The following ZNF804A variants were observed in gnomAD, a reference collection of about 807,000 sequenced individuals.
ZNF804A encodes the protein zinc finger protein 804A.
ZNF804A carries 2 observed loss-of-function variants against 16.5 expected under a neutral mutation model. That is an observed-to-expected ratio of 0.12 (90% confidence interval 0.05 to 0.38). ZNF804A has a LOEUF of 0.38. ZNF804A is among the 10% of genes least tolerant of loss of function. The probability of loss-of-function intolerance (pLI) is 0.99; values close to 1 mark genes in which losing one functional copy is unlikely to be tolerated. For synonymous variants in ZNF804A, 534 were observed against 489.6 expected, an observed-to-expected ratio of 1.09 and a Z score of -1.20; for missense variants, 1,473 against 1,390.7, an observed-to-expected ratio of 1.06 and a Z score of -0.94.
At chr2:184,752,698 C>A (rs147128437) in intron 1 of ZNF804A, among the ~76,000 whole-genome samples, 319 of 151,612 alleles carry the variant, frequency 2.1e-3, no homozygotes, top group Middle Eastern at 6.8e-3. Flanking sequence ...TGATAATATT[C>A]CTAATACGTA....
At chr2:184,692,405 A>G (rs954360209) in intron 1 of ZNF804A, among the ~76,000 whole-genome samples, 3 of 152,212 alleles carry the variant, frequency 2.0e-5, no homozygotes, top group Admixed American at 6.5e-5. Flanking sequence ...ACCACCCATA[A>G]CTGTCTATTT....
At position 184,864,976 on chromosome 2, in the gene ZNF804A, G is replaced by A. The variant is rs367891848; in HGVS notation, c.112-1393G>A. ...GCTCACTGCAACCTCTGCCTCCCAC[G>A]TTCAAGCAATTCTCCTGCCTCGGCC... On this transcript the variant is annotated intron_variant, in intron 1 of 3. Transcript: ENST00000302277. Among the ~76,000 whole-genome samples, 60 of 143,558 alleles carry A rather than the reference G, an allele frequency of 4.2e-4. No individual in the cohort carries two copies. In the Middle Eastern group the frequency reaches 0.012, roughly 29 times the overall value. 94.2% of individuals were successfully genotyped at this position (143,558 alleles called of 152,430 possible).
At chr2:184,916,362 A>T (rs1259616083) in intron 2 of ZNF804A, among the ~76,000 whole-genome samples, 1 of 152,162 alleles carries the variant, frequency 6.6e-6, no homozygotes, top group East Asian at 1.9e-4. Context: ...ATTTCATACT[A>T]ACTCACTCCA....
chr2:184,887,365 C>T (rs1684909409), intron 2 of ZNF804A, among the ~76,000 whole-genome samples: 2 of 152,346 alleles, frequency 1.3e-5, no homozygotes, highest in African/African-American at 4.8e-5. Context: ...CAAACTTTCC[C>T]ACATTTTCCT....
chr2:184,734,874 T>C (rs1457297807), intron 1 of ZNF804A, among the ~76,000 whole-genome samples: 1 of 152,174 alleles, frequency 6.6e-6, no homozygotes, highest in Non-Finnish European at 1.5e-5. Flanking sequence ...TTAATGATTG[T>C]TATGTCTTCC....
chr2:184,694,011 A>G (rs1271437536), intron 1 of ZNF804A, among the ~76,000 whole-genome samples: 1 of 150,892 alleles, frequency 6.6e-6, no homozygotes, highest in African/African-American at 2.4e-5. Flanking sequence ...CTCACTGCAA[A>G]CTCCACCTTT....
intron 1 of ZNF804A, among the ~76,000 whole-genome samples, chr2:184,599,983 T>C (rs1691020799): frequency 6.6e-6 from 1 of 152,190 alleles, no homozygotes; most frequent in Non-Finnish European, 1.5e-5. Context: ...AAAGGCTCAT[T>C]AGGCTTAGTA....
At chr2:184,828,467 T>C (rs903977080) in intron 1 of ZNF804A, among the ~76,000 whole-genome samples, 5 of 151,812 alleles carry the variant, frequency 3.3e-5, no homozygotes, top group African/African-American at 4.8e-5. Flanking sequence ...CAATTGTAAA[T>C]ACAAAGAGCT....
intron 2 of ZNF804A, among the ~76,000 whole-genome samples, chr2:184,916,882 GA>G (rs1685457500): frequency 6.6e-6 from 1 of 150,746 alleles, no homozygotes; most frequent in African/African-American, 2.4e-5. Context: ...AACAAAAACA[GA>G]AAAAGAAAAA....
At chr2:184,695,920 A>G (rs1692823542) in intron 1 of ZNF804A, among the ~76,000 whole-genome samples, 1 of 152,122 alleles carries the variant, frequency 6.6e-6, no homozygotes, top group South Asian at 2.1e-4. Context: ...AACAGAGATG[A>G]CTTCTATTAT....
chr2:184,936,456 G>C lies in ZNF804A; in HGVS notation c.1060G>C (p.Glu354Gln), dbSNP rs1685789655. Residue 354 changes from glutamate to glutamine, a missense_variant, in exon 4 of 4, where the codon GAG becomes CAG. By Grantham distance (29) the Glu-to-Gln change is conservative. Transcript: ENST00000302277. ...EDIPVSGNSF[E>Q]LLGNKSTVLD... Reference sequence around the variant, plus strand: ...CATACCTGTTAGTGGTAACAGTTTTGAGTTGTTAGGAAATAAATCCACAGT... The same window carrying C: ...CATACCTGTTAGTGGTAACAGTTTTCAGTTGTTAGGAAATAAATCCACAGT... 1.9e-6 allele frequency: 3 copies of C among 1,613,844 alleles called. No homozygotes were observed. Among genetic ancestry groups the C allele is most frequent in the African/African-American group, 1.3e-5 (1 of 75,012 alleles).
chr2:184,667,227 G>T (rs146044907), intron 1 of ZNF804A, among the ~76,000 whole-genome samples: 1 of 151,928 alleles, frequency 6.6e-6, no homozygotes, highest in Non-Finnish European at 1.5e-5. Flanking sequence ...GACTAGAATT[G>T]TATTTAGTTG....
chr2:184,909,735 T>C lies in ZNF804A; in HGVS notation c.256-23868T>C, dbSNP rs73043284. On this transcript the variant is annotated intron_variant, in intron 2 of 3. Transcript: ENST00000302277. ...AATATGTAGAATTCTACCTTTTGTC[T>C]GCAGGGTCTGAATAAGGAAAAAAAA... 6.8e-3 allele frequency among the ~76,000 whole-genome samples: 1,038 copies of C among 151,894 alleles called. 9 individuals carry two copies. The highest frequency in any genetic ancestry group is 0.024 in the African/African-American group (994 of 41,500).
intron 1 of ZNF804A, among the ~76,000 whole-genome samples, chr2:184,681,266 C>A (rs540518013): frequency 6.6e-6 from 1 of 152,052 alleles, no homozygotes; most frequent in Non-Finnish European, 1.5e-5. Context: ...CAAGGAGAGA[C>A]TTCAAGAGCC....
At chr2:184,754,938 TCTCGTGAG>T (rs776866468) in intron 1 of ZNF804A, among the ~76,000 whole-genome samples, 5 of 151,796 alleles carry the variant, frequency 3.3e-5, no homozygotes, top group Non-Finnish European at 5.9e-5. Context: ...AACCATCAGA[TCTCGTGAG>T]AAGTCATTCA....
intron 1 of ZNF804A, among the ~76,000 whole-genome samples, chr2:184,696,056 A>T (rs1004366153): frequency 6.6e-6 from 1 of 152,120 alleles, no homozygotes; most frequent in Admixed American, 6.5e-5. Context: ...GCTGATGGAG[A>T]AGTTTCATTT....
intron 1 of ZNF804A, among the ~76,000 whole-genome samples, chr2:184,641,010 G>A (rs187361020): frequency 1.2e-4 from 18 of 152,086 alleles, no homozygotes; most frequent in East Asian, 3.9e-4. Flanking sequence ...GCTGGAGTGC[G>A]GTGGCACAAT....
intron 1 of ZNF804A, among the ~76,000 whole-genome samples, chr2:184,697,328 A>G (rs1692848244): frequency 6.6e-6 from 1 of 152,074 alleles, no homozygotes; most frequent in East Asian, 1.9e-4. Context: ...TGAACCATGC[A>G]TTACGTGTCA....
chr2:184,620,620 A>G (rs1049601072), intron 1 of ZNF804A, among the ~76,000 whole-genome samples: 3 of 151,858 alleles, frequency 2.0e-5, no homozygotes, highest in Middle Eastern at 3.4e-3. Context: ...GGAATCACAC[A>G]TATTATTTTT....
Sources: gnomAD v4.1 joint callset for allele counts (sites outside exome capture counted in the v4.1 genomes callset) on GRCh38, gnomAD v4.1.1 for gene constraint, MANE v1.5 for transcripts, NCBI Gene and HGNC (gene_info 2026-07-23, HGNC 2026-07-21) for gene names.